Variants in RAB23 observed in about 807,000 individuals in gnomAD.
RAB23 encodes RAB23, member RAS oncogene family.
RAB23 carries 15 observed loss-of-function variants against 30.0 expected under a neutral mutation model. The observed-to-expected ratio is 0.50, with a 90% CI of 0.33 to 0.77. The LOEUF (loss-of-function observed/expected upper bound fraction) is 0.77, where lower values mean the gene tolerates loss of function less well. Ranked by LOEUF, RAB23 falls within the 30% of genes least tolerant of loss-of-function variation. The pLI, the probability that RAB23 is intolerant of heterozygous loss-of-function variation, is 0.02. For missense variants in RAB23, 243 were observed against 275.4 expected (o/e 0.88, Z 0.83); for synonymous variants, 93 against 94.0 (o/e 0.99, Z 0.06).
chr6:57,206,813 A>G (rs1413950890), intron 3 of RAB23, among the ~76,000 whole-genome samples: 1 of 152,240 alleles, frequency 6.6e-6, no homozygotes, highest in African/African-American at 2.4e-5. Context: ...AAAGTTCAGA[A>G]AAGAGGGACA....
intron 3 of RAB23, among the ~76,000 whole-genome samples, chr6:57,199,678 A>G (rs1218890160): frequency 1.3e-5 from 2 of 152,252 alleles, no homozygotes; most frequent in African/African-American, 4.8e-5. Flanking sequence ...ATTACAATCT[A>G]TAGAAAGAAT....
In RAB23 at chr6:57,189,321, T is replaced by C. The variant is rs1477673787; in HGVS notation, c.*1140A>G. ...ATACAAAAATGTGTAAACAAAAGGA[T>C]GGTTTAGAGTTGCAGGGCATTATAA... On this transcript the variant is annotated 3_prime_UTR_variant, in exon 7 of 7. Coordinates refer to ENST00000468148, the MANE Select transcript of RAB23 (RefSeq NM_016277.5). 6.6e-6 allele frequency: 1 copy of C among 152,190 alleles called. No homozygotes were observed. The highest frequency in any genetic ancestry group is 1.9e-4 in the East Asian group (1 of 5,204). 9.4% of individuals were successfully genotyped at this position (152,190 alleles called of 1,614,324 possible). A position where few individuals can be genotyped will look rare whatever the true frequency, so the allele number is the denominator to read the frequency against.
chr6:57,206,971 C>A (rs1165389166), intron 3 of RAB23, among the ~76,000 whole-genome samples: 1 of 152,138 alleles, frequency 6.6e-6, no homozygotes, highest in African/African-American at 2.4e-5. Flanking sequence ...GGTATTCCAC[C>A]AAGCTTTTGT....
intron 3 of RAB23, among the ~76,000 whole-genome samples, chr6:57,206,310 G>A (rs894277668): frequency 6.6e-6 from 1 of 152,116 alleles, no homozygotes; most frequent in East Asian, 1.9e-4. Context: ...AGAAGCTCTC[G>A]ATGGTTTCAA....
intron 1 of RAB23, among the ~76,000 whole-genome samples, chr6:57,212,834 T>C (rs935363216): frequency 6.6e-6 from 1 of 151,938 alleles, no homozygotes; most frequent in Non-Finnish European, 1.5e-5. Flanking sequence ...CAGTGAGCCA[T>C]GACTGTACCA....
At chr6:57,192,180 T>C (rs143214426) in intron 6 of RAB23, among the ~76,000 whole-genome samples, 6 of 152,212 alleles carry the variant, frequency 3.9e-5, no homozygotes, top group Non-Finnish European at 8.8e-5. Context: ...GTAAGATACG[T>C]TTTTCCTACT....
At chr6:57,192,103 C>G (rs1326497278) in intron 6 of RAB23, among the ~76,000 whole-genome samples, 1 of 152,100 alleles carries the variant, frequency 6.6e-6, no homozygotes, top group East Asian at 1.9e-4. Flanking sequence ...TTCAACCTCC[C>G]AAATAGCTGG....
In RAB23 at chr6:57,189,368, CTAA is replaced by C. The variant is rs1186536166; in HGVS notation, c.*1090_*1092del. On this transcript the variant is annotated 3_prime_UTR_variant, in exon 7 of 7. Transcript: ENST00000468148. ...ATAAAATATGTAATTTTAGTTAAGA[CTAA>C]TAATAATATTTTTGTGCACTTTAAA... The C allele has an allele frequency of 3.9e-5, 6 of 152,104 alleles. No homozygotes were observed. The highest frequency in any genetic ancestry group is 6.5e-5 in the Admixed American group (1 of 15,286). The allele number at this position is 152,104 out of a possible 1,614,324, so 9.4% of individuals were successfully genotyped here. A position where few individuals can be genotyped will look rare whatever the true frequency, so the allele number is the denominator to read the frequency against.
At chr6:57,215,335 C>G (rs1765800618) in intron 1 of RAB23, among the ~76,000 whole-genome samples, 1 of 152,158 alleles carries the variant, frequency 6.6e-6, no homozygotes, top group Non-Finnish European at 1.5e-5. Context: ...CAGGATAAAC[C>G]AGTCAAAATC....
At chr6:57,213,066 A>G (rs1402981184) in intron 1 of RAB23, among the ~76,000 whole-genome samples, 1 of 152,110 alleles carries the variant, frequency 6.6e-6, no homozygotes, top group Non-Finnish European at 1.5e-5. Context: ...GTTTGGGGAT[A>G]AAACTGTTCT....
intron 1 of RAB23, among the ~76,000 whole-genome samples, chr6:57,211,796 G>C (rs536529508): frequency 3.6e-4 from 55 of 152,210 alleles, no homozygotes; most frequent in African/African-American, 1.3e-3. Flanking sequence ...GAAAAGAACA[G>C]AAAGTCAATT....
At chr6:57,212,384 C>T (rs541293583) in intron 1 of RAB23, among the ~76,000 whole-genome samples, 5 of 152,194 alleles carry the variant, frequency 3.3e-5, no homozygotes, top group Admixed American at 2.0e-4. Context: ...GTATAAAAAA[C>T]TAGCATTGCA....
intron 1 of RAB23, among the ~76,000 whole-genome samples, chr6:57,217,725 G>GA (rs1765903175): frequency 6.7e-6 from 1 of 150,220 alleles, no homozygotes; most frequent in African/African-American, 2.4e-5. Context: ...CCCAAAGCAA[G>GA]CAAAAAAAAA....
At position 57,187,876 on chromosome 6, in the gene RAB23, G is replaced by A. The variant is rs566185462; in HGVS notation, c.*2585C>T. The A allele has an allele frequency of 1.2e-4, 18 of 151,694 alleles. No homozygotes were observed. The highest frequency in any genetic ancestry group is 3.4e-3 in the Middle Eastern group (1 of 294). The allele number at this position is 151,694 out of a possible 1,614,324, so 9.4% of individuals were successfully genotyped here. A position where few individuals can be genotyped will look rare whatever the true frequency, so the allele number is the denominator to read the frequency against. On this transcript the variant is annotated 3_prime_UTR_variant, in exon 7 of 7. Coordinates refer to ENST00000468148, the MANE Select transcript of RAB23 (RefSeq NM_016277.5). ...TTTAGCTTTATTTTGAAAAAGTAAC[G>A]TGTGCTATCAACTTTGGGCAGATAC...
intron 1 of RAB23, among the ~76,000 whole-genome samples, chr6:57,220,814 G>A (rs191051582): frequency 8.9e-4 from 135 of 151,652 alleles, no homozygotes; most frequent in South Asian, 6.5e-3. Context: ...TCTAAAATTC[G>A]CAGAACTGTA....
intron 4 of RAB23, 49 bp downstream of exon 4, chr6:57,196,399 CTT>C (rs1457534681): frequency 1.2e-6 from 2 of 1,606,388 alleles, no homozygotes. Flanking sequence ...ATTAAGATGT[CTT>C]AACTTTATAG....
chr6:57,207,771 C>T (rs539904021), intron 2 of RAB23, 58 bp from the exon 3 acceptor site: 9 of 1,140,180 alleles, frequency 7.9e-6, no homozygotes, highest in Non-Finnish European at 1.0e-5. Context: ...GGTAATATAG[C>T]TTTGTGTATA....
At chr6:57,202,998 C>CTTTTT (rs1765321013) in intron 3 of RAB23, among the ~76,000 whole-genome samples, 2 of 119,052 alleles carry the variant, frequency 1.7e-5, no homozygotes, top group Non-Finnish European at 3.6e-5. Flanking sequence ...CTAAGATAGG[C>CTTTTT]TGTTTTTTTT....
At chr6:57,214,944 G>A (rs367876645) in intron 1 of RAB23, among the ~76,000 whole-genome samples, 4 of 152,226 alleles carry the variant, frequency 2.6e-5, no homozygotes, top group East Asian at 3.9e-4. Context: ...ATACTTAAAC[G>A]AATGTAAAAA....
Sources: gnomAD v4.1 joint callset for allele counts (sites outside exome capture counted in the v4.1 genomes callset) on GRCh38, gnomAD v4.1.1 for gene constraint, MANE v1.5 for transcripts, NCBI Gene and HGNC (gene_info 2026-07-23, HGNC 2026-07-21) for gene names.